Variants in KNTC1 observed in about 807,000 individuals in gnomAD.
KNTC1 encodes kinetochore-associated protein 1.
Under a neutral mutation model 314.4 loss-of-function variants are expected in KNTC1, and 253 were observed. The observed-to-expected ratio is 0.80, with a 90% CI of 0.73 to 0.89. The LOEUF (loss-of-function observed/expected upper bound fraction) is 0.89. KNTC1 is among the 40% of genes least tolerant of loss of function. The probability of loss-of-function intolerance (pLI) is 0.00; values close to 1 mark genes in which losing one functional copy is unlikely to be tolerated. For missense variants in KNTC1, 2,475 were observed against 2,572.9 expected (o/e 0.96, Z 0.82); for synonymous variants, 901 against 901.4 (o/e 1.00, Z 0.01).
chr12:122,564,772 C>T (rs1007112499), intron 20 of KNTC1, among the ~76,000 whole-genome samples: 1 of 152,190 alleles, frequency 6.6e-6, no homozygotes, highest in Non-Finnish European at 1.5e-5. Context: ...ACGCCCAGTG[C>T]TCATTTCTTT....
Position 122,614,927 on chromosome 12 carries a change from C to T in KNTC1, c.5878-64C>T, listed in dbSNP as rs1593685623. The T allele has an allele frequency of 1.2e-5, 14 of 1,188,518 alleles. No homozygotes were observed. The East Asian group carries it at 2.7e-4, about 23-fold the overall frequency. The allele number at this position is 1,188,518 out of a possible 1,614,324, so 73.6% of individuals were successfully genotyped here. A position where few individuals can be genotyped will look rare whatever the true frequency, so the allele number is the denominator to read the frequency against. On this transcript the variant is annotated intron_variant, in intron 55 of 63. Coordinates refer to ENST00000333479, the MANE Select transcript of KNTC1 (RefSeq NM_014708.6). ...TTTTGTATTAAGCTGCCCTACTTTT[C>T]CAAAGATGGCTTGATTTACTGGTGT...
chr12:122,563,984 T>A (rs566722434), intron 20 of KNTC1, among the ~76,000 whole-genome samples: 29 of 152,302 alleles, frequency 1.9e-4, no homozygotes, highest in African/African-American at 5.8e-4. Flanking sequence ...CAATGTTTTT[T>A]ATATATTTTT....
chr12:122,559,963 G>A (rs1220758633), intron 18 of KNTC1, among the ~76,000 whole-genome samples: 3 of 152,092 alleles, frequency 2.0e-5, no homozygotes, highest in African/African-American at 7.2e-5. Flanking sequence ...TTTCATCGTT[G>A]TGAAACTGAA....
chr12:122,561,989 T>A lies in KNTC1; in HGVS notation c.1542+15T>A. On this transcript the variant is annotated intron_variant, in intron 19 of 63. Coordinates refer to ENST00000333479, the MANE Select transcript of KNTC1 (RefSeq NM_014708.6). ...GCTTGAAAGAGGTAATTACACTAGA[T>A]TTCTAGGTTAATATGTGGGTGAATA... The A allele has an allele frequency of 1.3e-6, 2 of 1,593,696 alleles. No individual in the cohort carries two copies. Among genetic ancestry groups the A allele is most frequent in the Non-Finnish European group, 1.7e-6 (2 of 1,166,754 alleles).
rs1960731160 is a variant in KNTC1 at position 122,527,261 on chromosome 12, T to C, written c.-164T>C. 1 of 257,950 alleles carries C rather than the reference T, an allele frequency of 3.9e-6. No individual in the cohort carries two copies. 16.0% of individuals were successfully genotyped at this position (257,950 alleles called of 1,614,324 possible). A position where few individuals can be genotyped will look rare whatever the true frequency, so the allele number is the denominator to read the frequency against. Reference sequence around the variant, plus strand: ...GTGTTCTCCCGCCAATTTAAGCCTGTGGCATGGAACCTAAAGACTAGAGGC... The same window carrying C: ...GTGTTCTCCCGCCAATTTAAGCCTGCGGCATGGAACCTAAAGACTAGAGGC... On this transcript the variant is annotated 5_prime_UTR_variant, in exon 1 of 64. Coordinates refer to ENST00000333479, the MANE Select transcript of KNTC1 (RefSeq NM_014708.6).
chr12:122,607,943 A>G (rs1199563142), intron 51 of KNTC1, among the ~76,000 whole-genome samples: 1 of 152,228 alleles, frequency 6.6e-6, no homozygotes, highest in African/African-American at 2.4e-5. Context: ...TAGCATCATT[A>G]ACAACTAAAA....
rs564376864 is a variant in KNTC1 at position 122,606,021 on chromosome 12, T to TTTTG, written c.5496+622_5496+625dup. On this transcript the variant is annotated intron_variant, in intron 51 of 63. Transcript: ENST00000333479. ...CCATGTGTGGCTAATGTTTTGTTTT[T>TTTTG]TTTGTTTGTTTGTTTGTTTTGTAGA... 1.2e-3 allele frequency among the ~76,000 whole-genome samples: 187 copies of TTTTG among 151,956 alleles called. 1 individual carries two copies. The highest frequency in any genetic ancestry group is 4.3e-3 in the African/African-American group (179 of 41,468).
intron 51 of KNTC1, 155 bp from the exon 52 acceptor site, chr12:122,609,229 A>T: frequency 1.6e-6 from 1 of 633,908 alleles, no homozygotes; most frequent in Non-Finnish European, 2.8e-6. Context: ...CCCATCAGTT[A>T]AGCAAAAATC....
chr12:122,569,994 C>T (rs79569634), intron 22 of KNTC1, among the ~76,000 whole-genome samples, 170 bp downstream of exon 22: 2,826 of 152,240 alleles, frequency 0.019, 85 homozygotes, highest in African/African-American at 0.059. Context: ...GAGATGTTAT[C>T]ATTTGCAACA....
rs189399269 is a variant in KNTC1 at position 122,598,065 on chromosome 12, C to G, written c.4563+127C>G. 3.8e-3 allele frequency: 2,628 copies of G among 698,160 alleles called. 8 individuals are homozygous for G. Among genetic ancestry groups the G allele is most frequent in the Non-Finnish European group, 5.6e-3 (2,370 of 425,144 alleles). 43.2% of individuals were successfully genotyped at this position (698,160 alleles called of 1,614,324 possible). On this transcript the variant is annotated intron_variant, in intron 44 of 63. Transcript: ENST00000333479. Reference sequence around the variant, plus strand: ...ATCAACTTTTAATTTGAAATATTCTCTTGATTTCTATATTTTTAACACAGT... The same window carrying G: ...ATCAACTTTTAATTTGAAATATTCTGTTGATTTCTATATTTTTAACACAGT...
At chr12:122,586,803 T>G in intron 38 of KNTC1, 46 bp downstream of exon 38, 1 of 611,362 alleles carries the variant, frequency 1.6e-6, no homozygotes, top group Non-Finnish European at 2.3e-6. Context: ...TATTTATTTA[T>G]TTATTTATTT....
At chr12:122,572,322 G>GAGGC (rs1245725229) in intron 24 of KNTC1, among the ~76,000 whole-genome samples, 1 of 152,038 alleles carries the variant, frequency 6.6e-6, no homozygotes, top group Non-Finnish European at 1.5e-5. Context: ...TTGAAACGGG[G>GAGGC]AGGCAGAGGT....
At chr12:122,549,304 G>A (rs766559428) in intron 12 of KNTC1, among the ~76,000 whole-genome samples, 3 of 152,086 alleles carry the variant, frequency 2.0e-5, no homozygotes, top group Non-Finnish European at 4.4e-5. Context: ...TGATCCGCCT[G>A]CCTCGGCCTC....
chr12:122,612,059 GT>G (rs200553416), intron 53 of KNTC1, among the ~76,000 whole-genome samples: 2 of 148,506 alleles, frequency 1.3e-5, no homozygotes, highest in African/African-American at 5.0e-5. Flanking sequence ...GAACATTCTG[GT>G]TTTTTTTTGT....
At chr12:122,559,321 C>T (rs1487364635) in intron 18 of KNTC1, among the ~76,000 whole-genome samples, 9 of 151,896 alleles carry the variant, frequency 5.9e-5, no homozygotes, top group African/African-American at 1.9e-4. Context: ...AGCCTGGCAA[C>T]GGAGCAAGAC....
intron 18 of KNTC1, among the ~76,000 whole-genome samples, chr12:122,559,739 C>T (rs1274634767): frequency 2.0e-5 from 3 of 152,026 alleles, no homozygotes; most frequent in Non-Finnish European, 4.4e-5. Context: ...CCACACCTGG[C>T]TAATTTTTGT....
chr12:122,539,860 G>A, intron 5 of KNTC1, 106 bp downstream of exon 5: 1 of 657,556 alleles, frequency 1.5e-6, no homozygotes, highest in East Asian at 3.0e-5. Flanking sequence ...CAGGTCACTG[G>A]AACCACCAGC....
chr12:122,604,697 A>T, intron 49 of KNTC1, 60 bp downstream of exon 49: 2 of 1,317,364 alleles, frequency 1.5e-6, no homozygotes, highest in Non-Finnish European at 2.2e-6. Context: ...GTACTAGCTT[A>T]ATTTACCTTC....
intron 16 of KNTC1, among the ~76,000 whole-genome samples, chr12:122,555,949 T>C (rs1302166258): frequency 2.0e-5 from 3 of 152,224 alleles, no homozygotes; most frequent in Non-Finnish European, 4.4e-5. Context: ...TAAATCAAGC[T>C]AATTAACATA....
Sources: gnomAD v4.1 joint callset for allele counts (sites outside exome capture counted in the v4.1 genomes callset) on GRCh38, gnomAD v4.1.1 for gene constraint, MANE v1.5 for transcripts, NCBI Gene and HGNC (gene_info 2026-07-23, HGNC 2026-07-21) for gene names.